Variants in UHRF1 observed in about 807,000 individuals in gnomAD.
UHRF1 encodes the protein E3 ubiquitin-protein ligase UHRF1.
A neutral mutation model predicts 96.5 loss-of-function variants in UHRF1; 9 were observed. The observed-to-expected ratio is 0.09, with a 90% CI of 0.06 to 0.16. The LOEUF (loss-of-function observed/expected upper bound fraction) is 0.16. Ranked by LOEUF, UHRF1 falls within the 10% of genes least tolerant of loss-of-function variation. The pLI is 1.00. For synonymous variants in UHRF1, 455 were observed against 469.9 expected (o/e 0.97, Z 0.41); for missense variants, 626 against 1,131.1 (o/e 0.55, Z 6.40).
intron 7 of UHRF1, among the ~76,000 whole-genome samples, chr19:4,943,171 C>T (rs10451469): frequency 0.016 from 2,364 of 149,596 alleles, 53 homozygotes; most frequent in African/African-American, 0.056. Flanking sequence ...ACCTGGGAGG[C>T]GGAGGTTGCC....
chr19:4,949,786 G>A (rs934296924), intron 11 of UHRF1, among the ~76,000 whole-genome samples: 2 of 152,156 alleles, frequency 1.3e-5, no homozygotes, highest in African/African-American at 4.8e-5. Flanking sequence ...AGTAAGGCGT[G>A]ATCATGCCAT....
At chr19:4,909,412 C>T (rs1269173798), upstream of UHRF1, 2 of 651,492 alleles carry the variant, frequency 3.1e-6, no homozygotes, top group Admixed American at 2.3e-5. Context: ...GCCACTGCGT[C>T]GGCCAATCAG....
At chr19:4,927,430 C>G (rs1021626117) in intron 2 of UHRF1, among the ~76,000 whole-genome samples, 1 of 151,136 alleles carries the variant, frequency 6.6e-6, no homozygotes, top group African/African-American at 2.4e-5. Context: ...ATGAGTCAGC[C>G]TTTATCAGGT....
intron 11 of UHRF1, among the ~76,000 whole-genome samples, chr19:4,949,097 T>C (rs1427244542): frequency 6.7e-6 from 1 of 149,816 alleles, no homozygotes; most frequent in Non-Finnish European, 1.5e-5. Context: ...ATTGCTCCAC[T>C]GCACTCCAGC....
chr19:4,934,221 T>C (rs1038556189), intron 5 of UHRF1, among the ~76,000 whole-genome samples: 1 of 151,484 alleles, frequency 6.6e-6, no homozygotes, highest in Admixed American at 6.6e-5. Flanking sequence ...TTTAGTAGAG[T>C]CTGGGTTTCA....
chr19:4,946,738 C>G (rs984768423), intron 10 of UHRF1, among the ~76,000 whole-genome samples: 4 of 152,102 alleles, frequency 2.6e-5, no homozygotes, highest in African/African-American at 9.7e-5. Flanking sequence ...CCACGCCAAA[C>G]TAATTTTTGT....
intron 7 of UHRF1, 147 bp downstream of exon 7, chr19:4,942,078 T>A (rs2033422066): frequency 1.1e-6 from 1 of 893,424 alleles, no homozygotes; most frequent in Non-Finnish European, 1.5e-6. Flanking sequence ...GGAGGATCAC[T>A]TGAGCTCAGG....
At position 4,954,057 on chromosome 19, in the gene UHRF1, A is replaced by C. The variant is rs973373522; in HGVS notation, c.1819-293A>C. Among the ~76,000 whole-genome samples the C allele has an allele frequency of 2.6e-5, 4 of 152,092 alleles. No individual in the cohort carries two copies. Among genetic ancestry groups the C allele is most frequent in the African/African-American group, 9.7e-5 (4 of 41,436 alleles). ...TGTGAGGTGGCTGTAAAGGGGGAGG[A>C]AGGGGCCCCGAGCCGAGGGATGCAG... On this transcript the variant is annotated intron_variant, in intron 13 of 16. Coordinates refer to ENST00000650932, the MANE Select transcript of UHRF1 (RefSeq NM_001048201.3). This position sits in a 1 kb window ranked among gnomAD's most constrained non-coding sequence, Gnocchi z 5.9.
At position 4,954,255 on chromosome 19, in the gene UHRF1, G is replaced by A; in HGVS notation, c.1819-95G>A. The A allele has an allele frequency of 2.6e-6, 4 of 1,535,074 alleles. No homozygotes were observed. Among genetic ancestry groups the A allele is most frequent in the Non-Finnish European group, 3.5e-6 (4 of 1,136,208 alleles). On this transcript the variant is annotated intron_variant, in intron 13 of 16. Transcript: ENST00000650932. This position sits in a 1 kb window ranked among gnomAD's most constrained non-coding sequence, Gnocchi z 5.9. ...GGGGGATTGGGGGTCAGGTGTGTCT[G>A]GAAACCCAGACCTGGCAAGGAGGCT...
intron 15 of UHRF1, among the ~76,000 whole-genome samples, 200 bp from the exon 16 acceptor site, chr19:4,956,509 G>C (rs1222946670): frequency 1.3e-5 from 2 of 152,196 alleles, no homozygotes; most frequent in Non-Finnish European, 2.9e-5. Flanking sequence ...TGCCACTTGG[G>C]GTGTTGGGGA....
At chr19:4,950,406 G>A (rs1327125685) in intron 11 of UHRF1, among the ~76,000 whole-genome samples, 1 of 151,828 alleles carries the variant, frequency 6.6e-6, no homozygotes, top group Admixed American at 6.6e-5. Flanking sequence ...ACCACGCCCG[G>A]CTAACTTTTG....
chr19:4,919,115 C>T lies in UHRF1; in HGVS notation c.153+8077C>T, dbSNP rs4294928. On this transcript the variant is annotated intron_variant, in intron 2 of 16. Transcript: ENST00000650932. The stretch of plus-strand genomic sequence containing the variant: ...TCTCGACTCACTGCAACCCCTGCCT[C>T]TTGGGCTCAAGCAATCCTCCCACCA... Among the ~76,000 whole-genome samples the T allele has an allele frequency of 3.5e-3, 521 of 149,830 alleles. 4 individuals carry two copies. The highest frequency in any genetic ancestry group is 0.012 in the African/African-American group (493 of 40,390).
intron 11 of UHRF1, among the ~76,000 whole-genome samples, chr19:4,948,067 G>A (rs555768265): frequency 5.1e-4 from 71 of 138,376 alleles, no homozygotes; most frequent in Middle Eastern, 8.6e-3. Flanking sequence ...TTGCACCACT[G>A]CACTCCAGCT....
chr19:4,954,670 G>A lies in UHRF1; in HGVS notation c.1978G>A (p.Gly660Arg), dbSNP rs775688101. Residue 660 changes from glycine (G) to arginine (R), a missense_variant, in exon 15 of 17, where the codon GGG becomes AGG. Around this residue, in one of 11 missense-constraint regions of UHRF1, gnomAD observed 90 missense variants for 94.7 expected, o/e 0.95. Transcript: ENST00000650932. The surrounding 1 kb of genome is among the most constrained non-coding windows in gnomAD (Gnocchi z 5.9). ...KSAGGGPSRA[G>R]SPRRTSKKTK... ...TCCAGGAGGTGGCCCGAGCAGGGCCGGGTCCCCGCGCCGGACATCCAAGAA... is the reference window on the plus strand; with the variant it reads ...TCCAGGAGGTGGCCCGAGCAGGGCCAGGTCCCCGCGCCGGACATCCAAGAA... The A allele has an allele frequency of 1.1e-5, 18 of 1,612,832 alleles. No individual in the cohort carries two copies. Among genetic ancestry groups the A allele is most frequent in the Non-Finnish European group, 1.4e-5 (17 of 1,179,498 alleles).
chr19:4,929,113 C>T, intron 2 of UHRF1, 109 bp from the exon 3 acceptor site: 1 of 564,876 alleles, frequency 1.8e-6, no homozygotes. Flanking sequence ...ATGCAGATTG[C>T]CCCCCCCCCA....
At chr19:4,938,745 T>G (rs1437908735) in intron 5 of UHRF1, among the ~76,000 whole-genome samples, 1 of 129,012 alleles carries the variant, frequency 7.8e-6, no homozygotes, top group Admixed American at 8.1e-5. Flanking sequence ...TTTTTTTTTT[T>G]TTTTTTTTTT....
Position 4,938,730 on chromosome 19 carries a change from GTTTTTTTTTTTTTT to G in UHRF1, c.786-2780_786-2767del, listed in dbSNP as rs71170880. On this transcript the variant is annotated intron_variant, in intron 5 of 16. Transcript: ENST00000650932. ...GGCATAAGAGTTTTGTTTTGGTCAG[GTTTTTTTTTTTTTT>G]TTTTTTTTTTTTTTTTTGAGATAAG... Among the ~76,000 whole-genome samples the G allele has an allele frequency of 8.0e-4, 49 of 61,588 alleles. 1 individual carries two copies. Among genetic ancestry groups the G allele is most frequent in the East Asian group, 2.9e-3 (7 of 2,434 alleles). 40.4% of individuals were successfully genotyped at this position (61,588 alleles called of 152,430 possible). A position where few individuals can be genotyped will look rare whatever the true frequency, so the allele number is the denominator to read the frequency against.
At chr19:4,946,367 C>G (rs1459496674) in intron 10 of UHRF1, among the ~76,000 whole-genome samples, 4 of 152,082 alleles carry the variant, frequency 2.6e-5, no homozygotes, top group Non-Finnish European at 5.9e-5. Flanking sequence ...CCCTTTTGTT[C>G]ACGGCTGAGT....
At chr19:4,943,584 C>A (rs567653409) in intron 7 of UHRF1, among the ~76,000 whole-genome samples, 24 of 150,986 alleles carry the variant, frequency 1.6e-4, no homozygotes, top group Non-Finnish European at 3.2e-4. Context: ...TTTCCCACAT[C>A]CCACATTGCG....
Sources: gnomAD v4.1 joint callset for allele counts (sites outside exome capture counted in the v4.1 genomes callset) on GRCh38, gnomAD v4.1.1 for gene constraint, gnomAD v4.1.1 regional missense constraint, Gnocchi (gnomAD v3.1) non-coding constraint, MANE v1.5 for transcripts, NCBI Gene and HGNC (gene_info 2026-07-23, HGNC 2026-07-21) for gene names.